DNAH3: variants seen among roughly 807,000 people sequenced by gnomAD.
The protein encoded by DNAH3 is axonemal beta dynein heavy chain 3.
Under a neutral mutation model 432.5 loss-of-function variants are expected in DNAH3, and 332 were observed. The ratio of observed to expected loss-of-function variants is 0.77; its 90% CI spans 0.70 to 0.84. The LOEUF is 0.84. Ranked by LOEUF, DNAH3 falls within the 40% of genes least tolerant of loss-of-function variation. DNAH3 has a pLI of 0.00. For synonymous variants in DNAH3, 1,956 were observed against 1,900.2 expected (o/e 1.03, Z -0.76); for missense variants, 4,861 against 5,114.0 (o/e 0.95, Z 1.51).
At chr16:20,963,840 G>A (rs1567537610) in exon 53 of DNAH3, 1 of 1,614,126 alleles carries the variant, frequency 6.2e-7, no homozygotes, top group Non-Finnish European at 8.5e-7. Context: ...GGTCAATGAT[G>A]TACTTGATGC....
intron 26 of DNAH3, among the ~76,000 whole-genome samples, chr16:21,059,555 A>T (rs914360235): frequency 6.6e-6 from 1 of 152,148 alleles, no homozygotes; most frequent in African/African-American, 2.4e-5. Flanking sequence ...CAAGTGGATC[A>T]TTTGAGGTCA....
At chr16:21,013,011 C>T (rs1186628679) in intron 41 of DNAH3, among the ~76,000 whole-genome samples, 1 of 152,066 alleles carries the variant, frequency 6.6e-6, no homozygotes, top group East Asian at 1.9e-4. Context: ...AGGGATCCTC[C>T]ATCTTGGCCT....
At chr16:21,106,156 A>G (rs6497526) in intron 15 of DNAH3, among the ~76,000 whole-genome samples, 145,761 of 148,514 alleles carry the variant, frequency 0.98, 71,526 homozygotes, top group East Asian at 1. Flanking sequence ...CTCCAACCTG[A>G]TGACAGAGCG....
chr16:21,112,032 C>T lies in DNAH3; in HGVS notation c.1881G>A (p.Ala627=), dbSNP rs142576034. The change falls in exon 13 of 62, where the codon GCG becomes GCA. Residue 627 remains alanine (A), a synonymous_variant. Transcript: ENST00000261383. ...CAATGTCATGATTTTCTTTCAGGAA[C>T]GCAGCGATGTTTTGCTCTGCCGTGT... 694 of 1,613,822 alleles carry T rather than the reference C, an allele frequency of 4.3e-4. 6 individuals are homozygous for T. The highest frequency in any genetic ancestry group is 2.5e-3 in the African/African-American group (191 of 75,036).
At chr16:21,141,588 C>T (rs2092720282) in intron 3 of DNAH3, among the ~76,000 whole-genome samples, 1 of 152,244 alleles carries the variant, frequency 6.6e-6, no homozygotes, top group Non-Finnish European at 1.5e-5. Context: ...CGGACCTCAG[C>T]TTCCTCAACT....
chr16:20,942,491 G>A (rs889505611), intron 58 of DNAH3, among the ~76,000 whole-genome samples: 7 of 152,156 alleles, frequency 4.6e-5, no homozygotes, highest in Non-Finnish European at 8.8e-5. Flanking sequence ...CTCCTACATC[G>A]GGATACACCA....
At position 21,098,600 on chromosome 16, in the gene DNAH3, T is replaced by A; in HGVS notation, c.2520+16A>T. The stretch of plus-strand genomic sequence containing the variant: ...ACCAGTACAGTGTCATAAGTCCCCA[T>A]CTCAAGATCCCAAACCTCAAACTCT... On this transcript the variant is annotated intron_variant, in intron 17 of 61. Coordinates refer to ENST00000261383, the Ensembl canonical transcript of DNAH3. 6.2e-7 allele frequency: 1 copy of A among 1,605,442 alleles called. No homozygotes were observed. Among genetic ancestry groups the A allele is most frequent in the Non-Finnish European group, 8.5e-7 (1 of 1,176,394 alleles).
chr16:21,115,797 T>G (rs2092184077), intron 12 of DNAH3, among the ~76,000 whole-genome samples: 1 of 151,698 alleles, frequency 6.6e-6, no homozygotes, highest in Non-Finnish European at 1.5e-5. Context: ...ACTGTGTGTC[T>G]AAGAGTCCAT....
At chr16:20,987,153 G>T in intron 47 of DNAH3, 152 bp downstream of exon 47, 1 of 924,726 alleles carries the variant, frequency 1.1e-6, no homozygotes, top group Non-Finnish European at 1.6e-6. Flanking sequence ...ATATCACCAA[G>T]TCAAAAAGAG....
intron 43 of DNAH3, among the ~76,000 whole-genome samples, chr16:20,998,021 T>C (rs983253113): frequency 1.1e-4 from 16 of 151,376 alleles, no homozygotes; most frequent in Non-Finnish European, 2.1e-4. Flanking sequence ...AAAAAGAAAA[T>C]AGAAAAGACG....
At chr16:20,984,824 C>T (rs1488658826) in intron 48 of DNAH3, among the ~76,000 whole-genome samples, 8 of 152,144 alleles carry the variant, frequency 5.3e-5, no homozygotes, top group African/African-American at 1.9e-4. Context: ...GAGATCTCAC[C>T]ACTGCACTCC....
chr16:21,002,232 TCTA>T (rs1325806995), intron 42 of DNAH3, among the ~76,000 whole-genome samples: 1 of 152,064 alleles, frequency 6.6e-6, no homozygotes, highest in Non-Finnish European at 1.5e-5. Flanking sequence ...CCCACTAGAT[TCTA>T]CTAACAGGGA....
chr16:21,048,051 T>G (rs330140), intron 31 of DNAH3, among the ~76,000 whole-genome samples: 75,262 of 151,934 alleles, frequency 0.5, 18,829 homozygotes, highest in African/African-American at 0.57. Flanking sequence ...CTCCAGCTGC[T>G]TGCTGTGAGA....
intron 14 of DNAH3, among the ~76,000 whole-genome samples, chr16:21,109,404 A>C (rs980254969): frequency 5.9e-5 from 9 of 152,156 alleles, no homozygotes; most frequent in African/African-American, 2.2e-4. Context: ...TATTCTGTGC[A>C]GGGTACTTAT....
intron 48 of DNAH3, among the ~76,000 whole-genome samples, chr16:20,983,456 A>G (rs895914082): frequency 2.0e-5 from 3 of 146,530 alleles, no homozygotes; most frequent in African/African-American, 7.8e-5. Context: ...TCCCATACAC[A>G]CTATTGTTCC....
chr16:20,941,045 A>T (rs555481523), intron 59 of DNAH3, among the ~76,000 whole-genome samples: 1 of 152,312 alleles, frequency 6.6e-6, no homozygotes, highest in East Asian at 1.9e-4. Context: ...GGCTGCAATG[A>T]GTCATGATCA....
chr16:20,972,686 C>A (rs190724265), intron 51 of DNAH3, among the ~76,000 whole-genome samples: 1 of 151,102 alleles, frequency 6.6e-6, no homozygotes, highest in Non-Finnish European at 1.5e-5. Context: ...TCTCAGGACT[C>A]AGTGGAGAAA....
At chr16:21,124,783 G>A (rs2152815492) in intron 9 of DNAH3, among the ~76,000 whole-genome samples, 1 of 152,198 alleles carries the variant, frequency 6.6e-6, no homozygotes, top group South Asian at 2.1e-4. Flanking sequence ...CCGAGTAGTT[G>A]GGACTACAGG....
At chr16:21,071,738 A>T (rs935490137) in intron 21 of DNAH3, among the ~76,000 whole-genome samples, 11 of 151,778 alleles carry the variant, frequency 7.2e-5, no homozygotes, top group Admixed American at 3.3e-4. Flanking sequence ...TTTTTTTTTT[A>T]AAAAGACATT....
Sources: allele counts gnomAD v4.1 joint callset (sites outside exome capture counted in the v4.1 genomes callset), GRCh38; gene constraint gnomAD v4.1.1; transcripts MANE v1.5; gene names NCBI Gene and HGNC (gene_info 2026-07-23, HGNC 2026-07-21).